MICU1: variants seen among roughly 807,000 people sequenced by gnomAD.
The protein encoded by MICU1 is calcium uptake protein 1, mitochondrial.
In MICU1, 45 loss-of-function variants were observed where a neutral mutation model predicts 56.8. The observed-to-expected ratio is 0.79, with a 90% CI of 0.62 to 1.02. The LOEUF (loss-of-function observed/expected upper bound fraction) is 1.02, where lower values mean the gene tolerates loss of function less well. Among genes scored for constraint, MICU1 ranks in the 50% least tolerant of loss-of-function variants. The probability of loss-of-function intolerance (pLI) is 0.00; values close to 1 mark genes in which losing one functional copy is unlikely to be tolerated. For missense variants in MICU1, 504 were observed against 587.1 expected (o/e 0.86, Z 1.46); for synonymous variants, 186 against 195.1 (o/e 0.95, Z 0.39).
chr10:72,507,354 C>T (rs1867286999), intron 6 of MICU1, among the ~76,000 whole-genome samples: 1 of 152,080 alleles, frequency 6.6e-6, no homozygotes, highest in South Asian at 2.1e-4. Context: ...GCATACTAAT[C>T]AACAAAGCTA....
At chr10:72,536,759 G>A (rs1366759158) in intron 4 of MICU1, among the ~76,000 whole-genome samples, 1 of 152,168 alleles carries the variant, frequency 6.6e-6, no homozygotes, top group East Asian at 1.9e-4. Context: ...TAGTAATCAA[G>A]AGAAAATATT....
chr10:72,545,019 T>A (rs562508716), intron 4 of MICU1, among the ~76,000 whole-genome samples: 1 of 152,228 alleles, frequency 6.6e-6, no homozygotes, highest in South Asian at 2.1e-4. Flanking sequence ...GTGTGAAAAA[T>A]ACAACAAAAT....
intron 8 of MICU1, among the ~76,000 whole-genome samples, chr10:72,468,255 TG>T (rs1865852826): frequency 6.6e-6 from 1 of 151,978 alleles, no homozygotes; most frequent in Non-Finnish European, 1.5e-5. Context: ...TCTTATATTC[TG>T]GAGTTGGTTG....
chr10:72,494,967 A>G (rs1332976968), intron 6 of MICU1, among the ~76,000 whole-genome samples: 1 of 152,192 alleles, frequency 6.6e-6, no homozygotes, highest in African/African-American at 2.4e-5. Flanking sequence ...CAGTTATTAG[A>G]TGACTTTCAG....
chr10:72,436,382 A>G (rs1201649084), intron 8 of MICU1, among the ~76,000 whole-genome samples: 1 of 152,204 alleles, frequency 6.6e-6, no homozygotes, highest in African/African-American at 2.4e-5. Flanking sequence ...AACAAAAAGG[A>G]CGTCCACACC....
rs118111264 is a variant in MICU1 at position 72,512,149 on chromosome 10, G to A, written c.538-3880C>T. ...TTTTTTTGAGACGGAGTCTCGTTTT[G>A]TCGCCAGGCTGGAGTACAGTGGCAC... is the stretch of plus-strand genomic sequence containing the variant. On this transcript the variant is annotated intron_variant, in intron 5 of 11. Coordinates refer to ENST00000361114, the MANE Select transcript of MICU1 (RefSeq NM_001195518.2). Among the ~76,000 whole-genome samples the A allele has an allele frequency of 7.2e-3, 696 of 96,064 alleles. 3 individuals are homozygous for A. The highest frequency in any genetic ancestry group is 0.019 in the Admixed American group (119 of 6,338). The allele number at this position is 96,064 out of a possible 152,430, so 63.0% of individuals were successfully genotyped here.
At chr10:72,535,170 C>T (rs1469459695) in intron 4 of MICU1, among the ~76,000 whole-genome samples, 2 of 151,662 alleles carry the variant, frequency 1.3e-5, no homozygotes, top group African/African-American at 4.9e-5. Context: ...GCTGGGATTA[C>T]AGGTGTGTGC....
At chr10:72,608,316 C>T (rs950008976) in intron 1 of MICU1, among the ~76,000 whole-genome samples, 1 of 152,186 alleles carries the variant, frequency 6.6e-6, no homozygotes, top group Non-Finnish European at 1.5e-5. Context: ...AAGTGATCCA[C>T]CCACCTCGGC....
intron 1 of MICU1, among the ~76,000 whole-genome samples, chr10:72,606,522 A>G (rs1057036566): frequency 6.6e-6 from 1 of 152,052 alleles, no homozygotes; most frequent in Non-Finnish European, 1.5e-5. Context: ...TCAAAAAAAA[A>G]AATTTTTTTT....
At chr10:72,593,960 T>G (rs1841299436) in intron 1 of MICU1, among the ~76,000 whole-genome samples, 1 of 152,210 alleles carries the variant, frequency 6.6e-6, no homozygotes, top group Non-Finnish European at 1.5e-5. Flanking sequence ...ATCTACAGAT[T>G]CAATGCAATC....
chr10:72,620,997 C>T (rs73284814), intron 1 of MICU1, among the ~76,000 whole-genome samples: 2,861 of 151,964 alleles, frequency 0.019, 100 homozygotes, highest in African/African-American at 0.066. Context: ...CCAAGGCAGG[C>T]GGAATGCTTG....
At chr10:72,573,404 G>A (rs534013986) in intron 1 of MICU1, among the ~76,000 whole-genome samples, 2 of 147,404 alleles carry the variant, frequency 1.4e-5, no homozygotes, top group East Asian at 2.0e-4. Flanking sequence ...AAATAAGAAC[G>A]CATATGTACT....
chr10:72,419,596 G>A (rs1220939084), intron 9 of MICU1, among the ~76,000 whole-genome samples: 1 of 152,196 alleles, frequency 6.6e-6, no homozygotes, highest in Non-Finnish European at 1.5e-5. Flanking sequence ...GCAATGCTAT[G>A]CATGCAACAT....
intron 10 of MICU1, among the ~76,000 whole-genome samples, chr10:72,402,734 G>C (rs1307972100): frequency 6.6e-6 from 1 of 152,124 alleles, no homozygotes; most frequent in African/African-American, 2.4e-5. Context: ...TAGCAGATCT[G>C]CACTACAGGA....
At chr10:72,569,237 A>ATATATATATATATATAT in intron 1 of MICU1, among the ~76,000 whole-genome samples, 1 of 34,380 alleles carries the variant, frequency 2.9e-5, no homozygotes, top group African/African-American at 1.1e-4. Flanking sequence ...ATATATATAT[A>ATATATATATATATATAT]TTTTTTTTTT....
chr10:72,477,475 A>C, intron 6 of MICU1: 1 of 1,521,066 alleles, frequency 6.6e-7, no homozygotes, highest in Non-Finnish European at 8.8e-7. Context: ...ACGGCCAGTA[A>C]AGACAGCACT....
intron 10 of MICU1, among the ~76,000 whole-genome samples, chr10:72,379,252 C>T (rs954930718): frequency 3.9e-5 from 6 of 152,130 alleles, no homozygotes; most frequent in Non-Finnish European, 8.8e-5. Context: ...TAAGGAAACC[C>T]CATTCACCTC....
At chr10:72,609,194 T>C (rs1354091263) in intron 1 of MICU1, among the ~76,000 whole-genome samples, 1 of 152,178 alleles carries the variant, frequency 6.6e-6, no homozygotes, top group African/African-American at 2.4e-5. Flanking sequence ...AGTAGACTAA[T>C]GGTTATCAAG....
chr10:72,403,355 C>CA (rs907809861), intron 10 of MICU1, among the ~76,000 whole-genome samples: 9 of 146,836 alleles, frequency 6.1e-5, no homozygotes, highest in Admixed American at 6.8e-5. Flanking sequence ...AACTCTGTCT[C>CA]AAAAAAAAAA....
Sources: allele counts gnomAD v4.1 joint callset (sites outside exome capture counted in the v4.1 genomes callset), GRCh38; gene constraint gnomAD v4.1.1; transcripts MANE v1.5; gene names NCBI Gene and HGNC (gene_info 2026-07-23, HGNC 2026-07-21).